COL12A1: variants seen among roughly 807,000 people sequenced by gnomAD.
COL12A1 encodes collagen type XII alpha 1 chain.
A neutral mutation model predicts 349.7 loss-of-function variants in COL12A1; 114 were observed. The observed-to-expected ratio is 0.33, with a 90% CI of 0.28 to 0.38. The LOEUF (loss-of-function observed/expected upper bound fraction) is 0.38. COL12A1 is among the 10% of genes least tolerant of loss of function. The pLI is 1.00. For synonymous variants in COL12A1, 1,369 were observed against 1,329.0 expected, an observed-to-expected ratio of 1.03 and a Z score of -0.66; for missense variants, 3,284 against 3,756.9, an observed-to-expected ratio of 0.87 and a Z score of 3.29.
chr6:75,091,126 T>C (rs149516438), intron 62 of COL12A1, among the ~76,000 whole-genome samples, 197 bp downstream of exon 62: 2 of 152,354 alleles, frequency 1.3e-5, no homozygotes, highest in East Asian at 3.9e-4. Flanking sequence ...TGGGTTATTA[T>C]TTTATCTTAG....
Position 75,134,713 on chromosome 6 carries a change from A to T in COL12A1, c.5524+13T>A. 1 of 1,588,606 alleles carries T rather than the reference A, an allele frequency of 6.3e-7. No homozygotes were observed. Among genetic ancestry groups the T allele is most frequent in the Non-Finnish European group, 8.6e-7 (1 of 1,163,706 alleles). On this transcript the variant is annotated intron_variant, in intron 32 of 65. Coordinates refer to ENST00000322507, the MANE Select transcript of COL12A1 (RefSeq NM_004370.6). The stretch of plus-strand genomic sequence containing the variant: ...GCTATTAAAGAAGCTATAGGAACTC[A>T]GGTTTCACTTACTGGTCTTGCCTCT...
chr6:75,174,591 G>A (rs1208177939), intron 13 of COL12A1, among the ~76,000 whole-genome samples: 1 of 152,108 alleles, frequency 6.6e-6, no homozygotes, highest in East Asian at 1.9e-4. Flanking sequence ...TATATTTCTT[G>A]AGCTTTTATG....
intron 2 of COL12A1, among the ~76,000 whole-genome samples, chr6:75,195,279 T>C (rs1770161152): frequency 6.6e-6 from 1 of 152,148 alleles, no homozygotes; most frequent in Non-Finnish European, 1.5e-5. Flanking sequence ...TAACCACATA[T>C]GCAAACAATT....
At chr6:75,108,234 C>G (rs145245853) in intron 52 of COL12A1, among the ~76,000 whole-genome samples, 93 of 152,018 alleles carry the variant, frequency 6.1e-4, no homozygotes, top group African/African-American at 2.0e-3. Flanking sequence ...CACATGCCAC[C>G]ACACTCAGCT....
At chr6:75,107,220 T>C (rs1158620801) in intron 52 of COL12A1, among the ~76,000 whole-genome samples, 1 of 152,022 alleles carries the variant, frequency 6.6e-6, no homozygotes, top group East Asian at 1.9e-4. Flanking sequence ...GAATATTAAT[T>C]TCTATAATTA....
chr6:75,131,113 C>T, intron 35 of COL12A1, 132 bp from the exon 36 acceptor site: 4 of 1,189,156 alleles, frequency 3.4e-6, no homozygotes, highest in Non-Finnish European at 4.8e-6. Flanking sequence ...TGTGCTTCTC[C>T]ATAAGATCCA....
chr6:75,176,689 CA>C (rs1165146444), intron 12 of COL12A1, among the ~76,000 whole-genome samples: 2 of 152,140 alleles, frequency 1.3e-5, no homozygotes, highest in Non-Finnish European at 2.9e-5. Flanking sequence ...ATTCTCTTAT[CA>C]AGCTGAGATG....
chr6:75,106,993 C>T (rs1340741758), intron 52 of COL12A1, among the ~76,000 whole-genome samples: 1 of 145,280 alleles, frequency 6.9e-6, no homozygotes, highest in Non-Finnish European at 1.5e-5. Context: ...CATCTGCCTC[C>T]CAGGTTCAAA....
intron 31 of COL12A1, among the ~76,000 whole-genome samples, chr6:75,136,311 T>C (rs9443158): frequency 1.3e-5 from 2 of 152,280 alleles, no homozygotes; most frequent in East Asian, 1.9e-4. Flanking sequence ...GTTTATTAAT[T>C]ATAATCTATT....
chr6:75,166,035 C>T (rs1036626930), intron 13 of COL12A1, among the ~76,000 whole-genome samples: 1 of 151,894 alleles, frequency 6.6e-6, no homozygotes, highest in African/African-American at 2.4e-5. Flanking sequence ...TCTTGTCCTT[C>T]AGGACAAGAT....
At position 75,145,330 on chromosome 6, in the gene COL12A1, G is replaced by A. The variant is rs1321603562; in HGVS notation, c.4686C>T (p.Val1562=). 5.0e-6 allele frequency: 8 copies of A among 1,604,244 alleles called. No individual in the cohort carries two copies. The highest frequency in any genetic ancestry group is 6.8e-6 in the Non-Finnish European group (8 of 1,173,092). ...TAAAACTAAGCAGTAGCTTACAGGT[G>A]ACTTCCCGAACAGTGACAGGTTCAC... is the stretch of plus-strand genomic sequence containing the variant. The part of the protein sequence containing the change: ...LTSEPVTVRE[V]TLPLPRPQDL... Residue 1562 remains valine, a synonymous_variant, in exon 25 of 66, where the codon GTC becomes GTT. Coordinates refer to ENST00000322507, the MANE Select transcript of COL12A1 (RefSeq NM_004370.6).
chr6:75,091,048 T>C (rs980219263), intron 62 of COL12A1, among the ~76,000 whole-genome samples: 2 of 152,218 alleles, frequency 1.3e-5, no homozygotes, highest in Admixed American at 1.3e-4. Context: ...GGTCATAAAA[T>C]GACTTAAAGA....
In COL12A1 at chr6:75,154,422, A is replaced by G; in HGVS notation, c.3559T>C (p.Ser1187Pro). The G allele has an allele frequency of 6.2e-7, 1 of 1,611,438 alleles. No homozygotes were observed. The highest frequency in any genetic ancestry group is 1.1e-5 in the South Asian group (1 of 90,636). The stretch of plus-strand genomic sequence containing the variant: ...ATGTAACTCAATTTCTTACCAGAAG[A>G]TAAAATTGGCATAACAGTTGTGTCG... ...LSDTTVMPIL[S>P]SGMECLTRAE... Residue 1187 changes from serine to proline, a missense_variant, in exon 17 of 66, where the codon TCT (serine) becomes CCT (proline). Coordinates refer to ENST00000322507, the MANE Select transcript of COL12A1 (RefSeq NM_004370.6).
intron 35 of COL12A1, 131 bp downstream of exon 35, chr6:75,131,809 C>T: frequency 7.9e-6 from 8 of 1,014,550 alleles, no homozygotes; most frequent in South Asian, 1.9e-5. Context: ...TACCTCAAGT[C>T]ATCAAAAACA....
intron 13 of COL12A1, among the ~76,000 whole-genome samples, chr6:75,171,681 C>T (rs770834945): frequency 8.5e-5 from 13 of 152,224 alleles, no homozygotes; most frequent in Non-Finnish European, 1.5e-4. Context: ...CCCTCAAAAG[C>T]AGTTGCCTGG....
rs1329022055 is a variant in COL12A1, at chr6:75,155,795, G to A, written c.3310C>T (p.Arg1104Ter). ...CCAGGGGCAGGCTCCCAAGTCACTC[G>A]GAAGCTTGACATGGTTGGGTCAGAT... ...KTSDPTMSSF[R>*]VTWEPAPGEV... Residue 1104 changes from arginine to a stop codon, truncating the protein, a stop_gained, in exon 16 of 66, where the codon CGA (arginine) becomes TGA (stop). Transcript: ENST00000322507. LOFTEE classifies it high-confidence loss of function. 3 of 1,613,216 alleles carry A rather than the reference G, an allele frequency of 1.9e-6. No homozygotes were observed. Among genetic ancestry groups the A allele is most frequent in the Non-Finnish European group, 2.5e-6 (3 of 1,179,550 alleles).
In COL12A1 at chr6:75,154,398, T is replaced by C. The variant is rs886038546; in HGVS notation, c.3565+18A>G. On this transcript the variant is annotated intron_variant, in intron 17 of 65. Transcript: ENST00000322507. ...TTCCTAAGTTGTTTTCCTCAAGGAA[T>C]GTAACTCAATTTCTTACCAGAAGAT... 1 of 1,607,296 alleles carries C rather than the reference T, an allele frequency of 6.2e-7. No individual in the cohort carries two copies. The highest frequency in any genetic ancestry group is 1.1e-5 in the South Asian group (1 of 90,190).
At chr6:75,118,563 A>G (rs1769197701) in intron 46 of COL12A1, among the ~76,000 whole-genome samples, 1 of 152,202 alleles carries the variant, frequency 6.6e-6, no homozygotes, top group Non-Finnish European at 1.5e-5. Flanking sequence ...CTCTCAGTAT[A>G]TTTGATTGGC....
chr6:75,200,114 C>A (rs1770450163), intron 2 of COL12A1, among the ~76,000 whole-genome samples: 1 of 152,126 alleles, frequency 6.6e-6, no homozygotes, highest in Non-Finnish European at 1.5e-5. Flanking sequence ...ATGCCCCCAA[C>A]AGAAATATTT....
Sources: gnomAD v4.1 joint callset for allele counts (sites outside exome capture counted in the v4.1 genomes callset) on GRCh38, gnomAD v4.1.1 for gene constraint, MANE v1.5 for transcripts, NCBI Gene and HGNC (gene_info 2026-07-23, HGNC 2026-07-21) for gene names.